TBCK: variants seen among roughly 807,000 people sequenced by gnomAD.
The protein encoded by TBCK is TBC1 domain containing kinase.
A neutral mutation model predicts 113.4 loss-of-function variants in TBCK; 99 were observed. That is an observed-to-expected ratio of 0.87 (90% CI 0.74 to 1.03). The LOEUF (loss-of-function observed/expected upper bound fraction) is 1.03. Among genes scored for constraint, TBCK ranks in the 50% least tolerant of loss-of-function variants. The probability of loss-of-function intolerance (pLI) is 0.00; values close to 1 mark genes in which losing one functional copy is unlikely to be tolerated. For synonymous variants in TBCK, 369 were observed against 370.8 expected, an observed-to-expected ratio of 1.00 and a Z score of 0.05; for missense variants, 1,045 against 1,061.3, an observed-to-expected ratio of 0.98 and a Z score of 0.21.
intron 23 of TBCK, among the ~76,000 whole-genome samples, chr4:106,131,669 T>C (rs1004883590): frequency 6.6e-6 from 1 of 152,150 alleles, no homozygotes; most frequent in Non-Finnish European, 1.5e-5. Context: ...GTGGTGCTGC[T>C]GTAAAGATGC....
intron 24 of TBCK, among the ~76,000 whole-genome samples, chr4:106,109,491 C>T (rs192270395): frequency 6.6e-6 from 1 of 152,262 alleles, no homozygotes. Context: ...ACCATCTGAT[C>T]TCTGACAAAG....
intron 23 of TBCK, among the ~76,000 whole-genome samples, chr4:106,120,923 A>G (rs12507874): frequency 0.2 from 30,943 of 152,072 alleles, 3,478 homozygotes; most frequent in South Asian, 0.27. Flanking sequence ...CCTCCTCCAA[A>G]GGAACGCAGT....
chr4:106,287,337 T>C (rs1014474441), intron 3 of TBCK, among the ~76,000 whole-genome samples: 1 of 152,196 alleles, frequency 6.6e-6, no homozygotes, highest in African/African-American at 2.4e-5. Context: ...TATTTTTCAG[T>C]TAGCATTAAT....
intron 20 of TBCK, among the ~76,000 whole-genome samples, chr4:106,202,340 T>A (rs565085349): frequency 6.6e-6 from 1 of 152,122 alleles, no homozygotes; most frequent in Admixed American, 6.5e-5. Context: ...AACAGAAGAA[T>A]GATGGAATCA....
At position 106,070,332 on chromosome 4, in the gene TBCK, T is replaced by G. The variant is rs1737241987; in HGVS notation, c.2572-23652A>C. On this transcript the variant is annotated intron_variant, in intron 25 of 25. Coordinates refer to ENST00000394708, the MANE Select transcript of TBCK (RefSeq NM_001163435.3). ...TACGTTCCATCAATACCTAGTTTAC[T>G]GAGAGCTTTTAGCATGAAGGGCTGT... Among the ~76,000 whole-genome samples the G allele has an allele frequency of 2.0e-5, 3 of 152,364 alleles. No homozygotes were observed. In the South Asian group the frequency reaches 6.2e-4, roughly 32 times the overall value.
At chr4:106,216,169 G>A (rs201980162) in intron 19 of TBCK, among the ~76,000 whole-genome samples, 21,260 of 151,246 alleles carry the variant, frequency 0.14, 1,646 homozygotes, top group South Asian at 0.25. Context: ...TGAAACCAAC[G>A]AGAACAAAGA....
chr4:106,313,719 T>C (rs542373787), intron 1 of TBCK, among the ~76,000 whole-genome samples: 10 of 152,246 alleles, frequency 6.6e-5, no homozygotes, highest in African/African-American at 2.4e-4. Flanking sequence ...AAGGGGAAAA[T>C]CTTCAAACAG....
intron 22 of TBCK, among the ~76,000 whole-genome samples, chr4:106,185,342 C>A (rs1239609269): frequency 1.3e-5 from 2 of 151,938 alleles, no homozygotes; most frequent in African/African-American, 2.4e-5. Context: ...GTGGTAAGAA[C>A]ACAACATGAG....
chr4:106,260,559 G>A, intron 4 of TBCK, 49 bp from the exon 5 acceptor site: 2 of 571,502 alleles, frequency 3.5e-6, no homozygotes, highest in Non-Finnish European at 5.7e-6. Flanking sequence ...ATTATAATTG[G>A]CAACATATAA....
intron 19 of TBCK, among the ~76,000 whole-genome samples, chr4:106,220,186 G>A (rs1046408895): frequency 2.6e-5 from 4 of 152,162 alleles, no homozygotes; most frequent in African/African-American, 9.7e-5. Flanking sequence ...TGTTGTGGGA[G>A]GGACCGGGGT....
intron 3 of TBCK, among the ~76,000 whole-genome samples, chr4:106,288,872 AATT>A (rs1765390416): frequency 6.6e-6 from 1 of 152,232 alleles, no homozygotes; most frequent in African/African-American, 2.4e-5. Flanking sequence ...TCATGCACAA[AATT>A]ATTTAAAGTA....
intron 25 of TBCK, among the ~76,000 whole-genome samples, chr4:106,089,649 T>C (rs1347647238): frequency 1.3e-5 from 2 of 152,216 alleles, no homozygotes; most frequent in Admixed American, 1.3e-4. Context: ...TATACAATGG[T>C]GCTACAGATA....
At chr4:106,176,943 G>C (rs760954760) in intron 22 of TBCK, among the ~76,000 whole-genome samples, 6 of 148,484 alleles carry the variant, frequency 4.0e-5, no homozygotes, top group African/African-American at 9.9e-5. Flanking sequence ...TCATATACTT[G>C]TTGGCCATTT....
intron 23 of TBCK, among the ~76,000 whole-genome samples, chr4:106,127,101 G>A (rs1324161078): frequency 2.6e-5 from 4 of 151,652 alleles, no homozygotes; most frequent in Non-Finnish European, 5.9e-5. Context: ...CCAGCTACTC[G>A]GGAGGCTGAG....
chr4:106,181,989 C>T (rs1002381691), intron 22 of TBCK, among the ~76,000 whole-genome samples: 1 of 152,104 alleles, frequency 6.6e-6, no homozygotes, highest in South Asian at 2.1e-4. Context: ...ATTGATTCTT[C>T]CTATCCATGA....
rs1579443269 is a variant in TBCK, at chr4:106,264,878, C to T, written c.267-2666G>A. 5.3e-5 allele frequency among the ~76,000 whole-genome samples: 8 copies of T among 151,948 alleles called. No homozygotes were observed. The East Asian group carries it at 1.5e-3, about 29-fold the overall frequency. The stretch of plus-strand genomic sequence containing the variant: ...ACGGCGCATCTGAAAATATCTTATT[C>T]TTGCCTTTAAACTTGGAAAGAATTA... On this transcript the variant is annotated intron_variant, in intron 3 of 25. Transcript: ENST00000394708.
chr4:106,130,011 G>C (rs1745690690), intron 23 of TBCK, among the ~76,000 whole-genome samples: 1 of 152,072 alleles, frequency 6.6e-6, no homozygotes, highest in African/African-American at 2.4e-5. Context: ...TCTATCTTCT[G>C]GTAACCACTT....
chr4:106,221,815 A>G (rs547225606), intron 19 of TBCK, among the ~76,000 whole-genome samples: 1 of 152,288 alleles, frequency 6.6e-6, no homozygotes, highest in Non-Finnish European at 1.5e-5. Flanking sequence ...GGACCGCTTG[A>G]GGGAGGAAGG....
chr4:106,071,485 T>C (rs1206132584), intron 25 of TBCK, among the ~76,000 whole-genome samples: 2 of 152,234 alleles, frequency 1.3e-5, no homozygotes, highest in African/African-American at 4.8e-5. Flanking sequence ...ATTTCTGTTC[T>C]TTTGCATTTG....
Sources: gnomAD v4.1 joint callset for allele counts (sites outside exome capture counted in the v4.1 genomes callset) on GRCh38, gnomAD v4.1.1 for gene constraint, MANE v1.5 for transcripts, NCBI Gene and HGNC (gene_info 2026-07-23, HGNC 2026-07-21) for gene names.